The following TACR3 variants were observed in gnomAD, a reference collection of about 807,000 sequenced individuals.
TACR3 encodes tachykinin receptor 3, also known as neuromedin-K receptor.
A neutral mutation model predicts 35.0 loss-of-function variants in TACR3; 34 were observed. That is an observed-to-expected ratio of 0.97 (90% confidence interval 0.74 to 1.30). TACR3 has a LOEUF of 1.30. Ranked by LOEUF, TACR3 falls within the 50% of genes most tolerant of loss-of-function variation. The pLI is 0.00. For missense variants in TACR3, 558 were observed against 591.7 expected (o/e 0.94, Z 0.59); for synonymous variants, 233 against 221.1 (o/e 1.05, Z -0.48).
At chr4:103,704,984 T>G (rs1722751599) in intron 1 of TACR3, among the ~76,000 whole-genome samples, 3 of 152,208 alleles carry the variant, frequency 2.0e-5, no homozygotes. Context: ...TACATAAAAT[T>G]TCGTTTTTGG....
intron 1 of TACR3, among the ~76,000 whole-genome samples, chr4:103,688,846 C>T (rs1255679324): frequency 6.6e-6 from 1 of 152,134 alleles, no homozygotes; most frequent in African/African-American, 2.4e-5. Flanking sequence ...TGTGGCGATT[C>T]CTCAGGGATC....
Position 103,589,614 on chromosome 4 carries a change from T to G in TACR3, c.*68A>C. On this transcript the variant is annotated 3_prime_UTR_variant, in exon 5 of 5. Transcript: ENST00000304883. ...GGGTATATAGGACAGGACTGGTAAA[T>G]AGGAGAATGGGGTCCTAGACTGGCA... The G allele has an allele frequency of 1.3e-6, 2 of 1,585,924 alleles. No individual in the cohort carries two copies. The highest frequency in any genetic ancestry group is 1.3e-5 in the African/African-American group (1 of 74,424).
chr4:103,696,033 A>G (rs1560535135), intron 1 of TACR3, among the ~76,000 whole-genome samples: 2 of 151,942 alleles, frequency 1.3e-5, no homozygotes, highest in Non-Finnish European at 2.9e-5. Context: ...ATATAATTGT[A>G]TCTCTGACAA....
chr4:103,673,624 T>C (rs923417238), intron 1 of TACR3, among the ~76,000 whole-genome samples: 1 of 152,154 alleles, frequency 6.6e-6, no homozygotes, highest in Non-Finnish European at 1.5e-5. Context: ...GTTAAAAATA[T>C]GGTGACTATT....
intron 3 of TACR3, among the ~76,000 whole-genome samples, chr4:103,649,199 T>A (rs1317807033): frequency 1.3e-5 from 2 of 152,148 alleles, no homozygotes; most frequent in African/African-American, 4.8e-5. Context: ...CCTTGTCAGA[T>A]GGGGAGATTG....
chr4:103,595,712 C>CT (rs201151369), intron 3 of TACR3, among the ~76,000 whole-genome samples: 2,501 of 146,224 alleles, frequency 0.017, 56 homozygotes, highest in African/African-American at 0.058. Context: ...GGGTCATATT[C>CT]TTTTTTTTTT....
chr4:103,711,803 A>C (rs1472411778), intron 1 of TACR3, among the ~76,000 whole-genome samples: 1 of 152,218 alleles, frequency 6.6e-6, no homozygotes, highest in South Asian at 2.1e-4. Context: ...AAGTTTCAGG[A>C]TACAAAATCG....
intron 3 of TACR3, among the ~76,000 whole-genome samples, chr4:103,619,878 C>G (rs530881689): frequency 3.7e-4 from 56 of 152,010 alleles, no homozygotes; most frequent in Non-Finnish European, 7.6e-4. Flanking sequence ...TCCAAAGTAA[C>G]AAAAACTTGC....
intron 3 of TACR3, among the ~76,000 whole-genome samples, chr4:103,621,322 TG>T (rs1462203314): frequency 6.6e-6 from 1 of 152,186 alleles, no homozygotes; most frequent in Non-Finnish European, 1.5e-5. Context: ...CTACAAGGTA[TG>T]CTGATGAAGA....
At chr4:103,637,184 C>A (rs923541622) in intron 3 of TACR3, among the ~76,000 whole-genome samples, 8 of 152,116 alleles carry the variant, frequency 5.3e-5, no homozygotes, top group African/African-American at 1.9e-4. Context: ...ATGCAAAAAT[C>A]CTCAATAAAA....
In TACR3 at chr4:103,719,755, C is replaced by A; in HGVS notation, c.-80G>T. 6.4e-7 allele frequency: 1 copy of A among 1,557,924 alleles called. No homozygotes were observed. The highest frequency in any genetic ancestry group is 8.7e-7 in the Non-Finnish European group (1 of 1,149,022). ...GAGACTCCTCTGAAGTTCTTCTCTG[C>A]CTCCTGGTCACTTTGGTGCCGGAGT... On this transcript the variant is annotated 5_prime_UTR_variant, in exon 1 of 5. Coordinates refer to ENST00000304883, the MANE Select transcript of TACR3 (RefSeq NM_001059.3).
At chr4:103,614,067 A>C (rs1413016044) in intron 3 of TACR3, among the ~76,000 whole-genome samples, 1 of 152,172 alleles carries the variant, frequency 6.6e-6, no homozygotes, top group Non-Finnish European at 1.5e-5. Context: ...TTATGGCTTT[A>C]ACATATGAAT....
At chr4:103,694,557 C>A (rs533213558) in intron 1 of TACR3, among the ~76,000 whole-genome samples, 70 of 152,112 alleles carry the variant, frequency 4.6e-4, no homozygotes, top group Non-Finnish European at 9.6e-4. Flanking sequence ...AAGGCACTAA[C>A]CTTGGCCATT....
chr4:103,623,303 A>G lies in TACR3; in HGVS notation c.889-31620T>C, dbSNP rs547938009. ...TTAGTTGGATCAAAATATATTTGCA[A>G]AGCTATATATTTCAGAGAGAAGAGA... On this transcript the variant is annotated intron_variant, in intron 3 of 4. Coordinates refer to ENST00000304883, the MANE Select transcript of TACR3 (RefSeq NM_001059.3). 5.9e-5 allele frequency among the ~76,000 whole-genome samples: 9 copies of G among 152,236 alleles called. No homozygotes were observed. The East Asian group carries it at 1.7e-3, about 29-fold the overall frequency.
intron 3 of TACR3, among the ~76,000 whole-genome samples, chr4:103,639,449 G>T (rs1160444139): frequency 6.6e-6 from 1 of 152,022 alleles, no homozygotes; most frequent in African/African-American, 2.4e-5. Flanking sequence ...TGTGGGGTGG[G>T]GAGAGGGGGG....
chr4:103,687,443 G>A, intron 1 of TACR3, among the ~76,000 whole-genome samples: 1 of 152,156 alleles, frequency 6.6e-6, no homozygotes, highest in Admixed American at 6.6e-5. Flanking sequence ...GTTAGGAAAA[G>A]AGGAAGTCAA....
At chr4:103,611,374 T>G (rs1724507811) in intron 3 of TACR3, among the ~76,000 whole-genome samples, 1 of 152,236 alleles carries the variant, frequency 6.6e-6, no homozygotes, top group South Asian at 2.1e-4. Flanking sequence ...ACTTTATTTT[T>G]TTGTAGCTAT....
rs765992914 is a variant in TACR3 at position 103,658,403 on chromosome 4, C to T, written c.549G>A (p.Arg183=). The T allele has an allele frequency of 4.3e-6, 7 of 1,612,738 alleles. No homozygotes were observed. The highest frequency in any genetic ancestry group is 1.7e-4 in the Middle Eastern group (1 of 6,052). Residue 183 remains arginine, a splice_region_variant and synonymous_variant, in exon 2 of 5, where the codon AGG becomes AGA. Transcript: ENST00000304883. ...TCAAGGGATCAATAATAGCCATATA[C>T]CTATATAAAAACAAACAAAACCATT... ...IYSMTAIAVD[R]YMAIIDPLKP...
At chr4:103,629,644 C>G (rs1267388226) in intron 3 of TACR3, among the ~76,000 whole-genome samples, 5 of 151,828 alleles carry the variant, frequency 3.3e-5, no homozygotes, top group African/African-American at 1.2e-4. Flanking sequence ...TAAAAGAGTA[C>G]ACAAACAAAT....
Sources: allele counts gnomAD v4.1 joint callset (sites outside exome capture counted in the v4.1 genomes callset), GRCh38; gene constraint gnomAD v4.1.1; transcripts MANE v1.5; gene names NCBI Gene and HGNC (gene_info 2026-07-23, HGNC 2026-07-21).